SLC24A3: variants seen among roughly 807,000 people sequenced by gnomAD.
The protein encoded by SLC24A3 is sodium/potassium/calcium exchanger 3.
SLC24A3 carries 28 observed loss-of-function variants against 75.8 expected under a neutral mutation model. That is an observed-to-expected ratio of 0.37 (90% CI 0.27 to 0.51). SLC24A3 has a LOEUF of 0.51. Among genes scored for constraint, SLC24A3 ranks in the 20% least tolerant of loss-of-function variants. The pLI, the probability that SLC24A3 is intolerant of heterozygous loss-of-function variation, is 0.94. For missense variants in SLC24A3, 663 were observed against 847.8 expected (o/e 0.78, Z 2.71); for synonymous variants, 372 against 334.1 (o/e 1.11, Z -1.24).
Position 19,501,205 on chromosome 20 carries a change from C to T in SLC24A3, c.272-14283C>T, listed in dbSNP as rs1416593178. On this transcript the variant is annotated intron_variant, in intron 2 of 16. Coordinates refer to ENST00000328041, the MANE Select transcript of SLC24A3 (RefSeq NM_020689.4). ...TAAGAATGAAGTGAAACTTTTTCCT[C>T]CTACTTCCTGTCCACTTTCCCTCCT... Among the ~76,000 whole-genome samples the T allele has an allele frequency of 2.0e-5, 3 of 152,118 alleles. No individual in the cohort carries two copies. In the East Asian group the frequency reaches 5.8e-4, roughly 29 times the overall value.
At chr20:19,711,868 G>A (rs980528428) in intron 15 of SLC24A3, among the ~76,000 whole-genome samples, 2 of 152,168 alleles carry the variant, frequency 1.3e-5, no homozygotes, top group Non-Finnish European at 2.9e-5. Context: ...TTGATCTCTT[G>A]ACCTCGTGAT....
chr20:19,396,342 C>T (rs938574656), intron 2 of SLC24A3, among the ~76,000 whole-genome samples: 1 of 152,124 alleles, frequency 6.6e-6, no homozygotes, highest in Admixed American at 6.5e-5. Context: ...TAAAAATGAA[C>T]AGGTAAACTT....
intron 1 of SLC24A3, among the ~76,000 whole-genome samples, chr20:19,258,232 T>A (rs1397837718): frequency 6.6e-6 from 1 of 152,182 alleles, no homozygotes; most frequent in Non-Finnish European, 1.5e-5. Context: ...CCCTCACAGC[T>A]CTTCTTCCCA....
intron 2 of SLC24A3, among the ~76,000 whole-genome samples, chr20:19,435,309 G>A (rs1987178921): frequency 6.6e-6 from 1 of 152,186 alleles, no homozygotes; most frequent in Non-Finnish European, 1.5e-5. Flanking sequence ...AAGTGGTACT[G>A]CCCATGCAAG....
intron 2 of SLC24A3, among the ~76,000 whole-genome samples, chr20:19,500,994 G>A (rs886716960): frequency 1.3e-5 from 2 of 152,140 alleles, no homozygotes; most frequent in East Asian, 1.9e-4. Context: ...ATTTTGTCTT[G>A]TAATAATTGT....
chr20:19,354,778 C>T (rs1013253248), intron 2 of SLC24A3, among the ~76,000 whole-genome samples: 5 of 152,090 alleles, frequency 3.3e-5, no homozygotes, highest in African/African-American at 1.2e-4. Flanking sequence ...CAAGTCTTCT[C>T]AAGGATGTGT....
At chr20:19,278,903 G>T (rs1444231827) in intron 1 of SLC24A3, among the ~76,000 whole-genome samples, 1 of 152,238 alleles carries the variant, frequency 6.6e-6, no homozygotes, top group Non-Finnish European at 1.5e-5. Flanking sequence ...CTGATATTAT[G>T]TGCATCATGT....
At chr20:19,628,218 A>G (rs1008076436) in intron 6 of SLC24A3, among the ~76,000 whole-genome samples, 19 of 151,012 alleles carry the variant, frequency 1.3e-4, no homozygotes, top group South Asian at 2.1e-4. Context: ...AAAAAAAAAA[A>G]AAAAGAAAAA....
intron 2 of SLC24A3, among the ~76,000 whole-genome samples, chr20:19,403,164 A>G (rs1229993268): frequency 1.3e-5 from 2 of 152,154 alleles, no homozygotes; most frequent in Admixed American, 1.3e-4. Context: ...GGCCAGTGTC[A>G]CAATTGTACT....
chr20:19,579,796 A>C (rs2031193175), intron 3 of SLC24A3, among the ~76,000 whole-genome samples: 1 of 152,198 alleles, frequency 6.6e-6, no homozygotes, highest in Non-Finnish European at 1.5e-5. Context: ...GGAAGTGGGC[A>C]AAAGGAGAGT....
At chr20:19,531,178 C>A (rs1367223969) in intron 3 of SLC24A3, among the ~76,000 whole-genome samples, 1 of 152,144 alleles carries the variant, frequency 6.6e-6, no homozygotes, top group Non-Finnish European at 1.5e-5. Context: ...GCCCAGCCAC[C>A]AGGTTAACAG....
At chr20:19,444,019 C>T (rs6112381) in intron 2 of SLC24A3, among the ~76,000 whole-genome samples, 21,461 of 152,130 alleles carry the variant, frequency 0.14, 4,019 homozygotes, top group East Asian at 0.47. Context: ...TCCTTAGTTT[C>T]CTGAGAGTTT....
At chr20:19,710,135 G>A (rs141487098) in intron 15 of SLC24A3, among the ~76,000 whole-genome samples, 7 of 152,320 alleles carry the variant, frequency 4.6e-5, no homozygotes, top group Non-Finnish European at 7.3e-5. Flanking sequence ...TGCCACATAT[G>A]TTCCAAGTTA....
At chr20:19,291,943 G>A (rs1983952561) in intron 2 of SLC24A3, among the ~76,000 whole-genome samples, 1 of 152,222 alleles carries the variant, frequency 6.6e-6, no homozygotes, top group Non-Finnish European at 1.5e-5. Flanking sequence ...TTGATAAATG[G>A]GCACTCACAG....
chr20:19,576,160 G>C (rs1426339922), intron 3 of SLC24A3, among the ~76,000 whole-genome samples: 1 of 152,010 alleles, frequency 6.6e-6, no homozygotes, highest in African/African-American at 2.4e-5. Flanking sequence ...AGCATGCCTG[G>C]AATTCCTGTC....
At chr20:19,694,522 T>C (rs2032782669) in intron 13 of SLC24A3, 1 of 152,210 alleles carries the variant, frequency 6.6e-6, no homozygotes, top group East Asian at 1.9e-4. Context: ...CCAAGTTTTA[T>C]AGCCAGGGGT....
chr20:19,563,194 G>A (rs116023354), intron 3 of SLC24A3, among the ~76,000 whole-genome samples: 33 of 152,228 alleles, frequency 2.2e-4, no homozygotes, highest in African/African-American at 7.2e-4. Flanking sequence ...GCTATTGCTA[G>A]CCTAAATATG....
rs145067446 is a variant in SLC24A3 at position 19,352,242 on chromosome 20, C to G, written c.271+71155C>G. The stretch of plus-strand genomic sequence containing the variant: ...GGTCGGTCATTGAAAGCCCCCAGGG[C>G]AGAGTGGGGGTACAGCCTTCGATGA... On this transcript the variant is annotated intron_variant, in intron 2 of 16. Coordinates refer to ENST00000328041, the MANE Select transcript of SLC24A3 (RefSeq NM_020689.4). Among the ~76,000 whole-genome samples, 947 of 152,264 alleles carry G rather than the reference C, an allele frequency of 6.2e-3. 9 individuals are homozygous for G. The highest frequency in any genetic ancestry group is 0.021 in the African/African-American group (892 of 41,554).
At chr20:19,235,350 G>A (rs1169328323) in intron 1 of SLC24A3, among the ~76,000 whole-genome samples, 4 of 152,224 alleles carry the variant, frequency 2.6e-5, no homozygotes, top group African/African-American at 9.6e-5. Flanking sequence ...AGGACCAGCT[G>A]CGGCTCTGGG....
Sources: gnomAD v4.1 joint callset for allele counts (sites outside exome capture counted in the v4.1 genomes callset) on GRCh38, gnomAD v4.1.1 for gene constraint, MANE v1.5 for transcripts, NCBI Gene and HGNC (gene_info 2026-07-23, HGNC 2026-07-21) for gene names.